ARHGAP24: variants seen among roughly 807,000 people sequenced by gnomAD.
ARHGAP24 encodes rho GTPase-activating protein 24.
A neutral mutation model predicts 76.4 loss-of-function variants in ARHGAP24; 50 were observed. The observed-to-expected ratio is 0.65, with a 90% CI of 0.52 to 0.83. The LOEUF is 0.83. ARHGAP24 is among the 40% of genes least tolerant of loss of function. The pLI is 0.00. For missense variants in ARHGAP24, 930 were observed against 914.2 expected (o/e 1.02, Z -0.22); for synonymous variants, 345 against 323.3 (o/e 1.07, Z -0.72).
intron 3 of ARHGAP24, among the ~76,000 whole-genome samples, chr4:85,793,505 C>A (rs1028349250): frequency 1.3e-5 from 2 of 152,076 alleles, no homozygotes; most frequent in African/African-American, 4.8e-5. Flanking sequence ...ACAGAATATT[C>A]AAAGAATAGG....
chr4:85,583,055 G>C (rs1366031208), intron 2 of ARHGAP24, among the ~76,000 whole-genome samples: 1 of 152,006 alleles, frequency 6.6e-6, no homozygotes, highest in African/African-American at 2.4e-5. Context: ...TAGCTTTCCT[G>C]TTTTGATGTC....
intron 3 of ARHGAP24, among the ~76,000 whole-genome samples, chr4:85,787,225 C>T (rs1179830353): frequency 3.9e-5 from 6 of 152,176 alleles, no homozygotes; most frequent in Non-Finnish European, 8.8e-5. Context: ...TGCTTTTCTT[C>T]CCTTTTGGTA....
rs528551788 is a variant in ARHGAP24 at position 85,932,959 on chromosome 4, C to T, written c.392-9107C>T. Among the ~76,000 whole-genome samples the T allele has an allele frequency of 6.8e-4, 104 of 152,298 alleles. 1 individual carries two copies. Among genetic ancestry groups the T allele is most frequent in the South Asian group, 1.7e-3 (8 of 4,812 alleles). ...CTGCAGTCATCACTCAGGGCAGCAG[C>T]AGCATGACGCACAGGAGCTTTACAT... On this transcript the variant is annotated intron_variant, in intron 4 of 9. Transcript: ENST00000395184.
rs1724959423 is a variant in ARHGAP24, at chr4:85,721,911, A to G, written c.207A>G (p.Lys69=). Residue 69 remains lysine (K), a synonymous_variant, in exon 3 of 10, where the codon AAA becomes AAG. Coordinates refer to ENST00000395184, the MANE Select transcript of ARHGAP24 (RefSeq NM_001025616.3). ...GTACTATTTTTCTGCCTGGAAATAA[A>G]GTTTCTGAGCATCCCTGCAATGAAG... is the stretch of plus-strand genomic sequence containing the variant. ...PLGTIFLPGN[K]VSEHPCNEEN... is the part of the protein sequence containing the mutation. 1 of 1,613,400 alleles carries G rather than the reference A, an allele frequency of 6.2e-7. No homozygotes were observed. The highest frequency in any genetic ancestry group is 1.7e-5 in the Admixed American group (1 of 59,964).
chr4:85,692,856 G>T (rs1295315089), intron 2 of ARHGAP24, among the ~76,000 whole-genome samples: 1 of 152,226 alleles, frequency 6.6e-6, no homozygotes, highest in Non-Finnish European at 1.5e-5. Context: ...GAATCATTTG[G>T]AAGTGAGGGG....
intron 1 of ARHGAP24, among the ~76,000 whole-genome samples, chr4:85,521,945 A>G (rs1578005199): frequency 6.6e-6 from 1 of 152,288 alleles, no homozygotes; most frequent in East Asian, 1.9e-4. Flanking sequence ...AGATCAAATT[A>G]TTAAGATCTC....
At chr4:85,778,258 A>G (rs1025753225) in intron 3 of ARHGAP24, among the ~76,000 whole-genome samples, 1 of 152,224 alleles carries the variant, frequency 6.6e-6, no homozygotes, top group Non-Finnish European at 1.5e-5. Context: ...ATTAAAGGGA[A>G]AGTTTCAATA....
chr4:85,718,091 T>C (rs1193144099), intron 2 of ARHGAP24, among the ~76,000 whole-genome samples: 2 of 152,072 alleles, frequency 1.3e-5, no homozygotes, highest in Non-Finnish European at 2.9e-5. Flanking sequence ...TCTTAGGTAT[T>C]TGCCCTAAAG....
intron 4 of ARHGAP24, among the ~76,000 whole-genome samples, chr4:85,937,785 C>G (rs1003467496): frequency 6.6e-6 from 1 of 151,990 alleles, no homozygotes; most frequent in African/African-American, 2.4e-5. Context: ...TAGAAAAAAG[C>G]CATTTTATTG....
chr4:85,611,271 T>C (rs1720373840), intron 2 of ARHGAP24, among the ~76,000 whole-genome samples: 1 of 152,214 alleles, frequency 6.6e-6, no homozygotes, highest in Non-Finnish European at 1.5e-5. Flanking sequence ...TGCTTCCTAA[T>C]GTGACCTGGT....
intron 2 of ARHGAP24, among the ~76,000 whole-genome samples, chr4:85,660,408 A>G (rs1272749914): frequency 1.3e-5 from 2 of 152,218 alleles, no homozygotes; most frequent in Non-Finnish European, 2.9e-5. Context: ...AGAGTGATTT[A>G]TTCACAGCTA....
At chr4:85,549,664 T>C (rs1726052086) in intron 1 of ARHGAP24, among the ~76,000 whole-genome samples, 1 of 152,184 alleles carries the variant, frequency 6.6e-6, no homozygotes, top group Non-Finnish European at 1.5e-5. Flanking sequence ...TATGGGTAAA[T>C]TGCATGTTTC....
chr4:85,827,490 G>A (rs1729777297), intron 3 of ARHGAP24, among the ~76,000 whole-genome samples: 1 of 150,578 alleles, frequency 6.6e-6, no homozygotes, highest in Non-Finnish European at 1.5e-5. Context: ...GTGTGTGTGT[G>A]TGTGTGTGTG....
At chr4:85,738,237 A>G (rs1725675584) in intron 3 of ARHGAP24, among the ~76,000 whole-genome samples, 1 of 151,990 alleles carries the variant, frequency 6.6e-6, no homozygotes, top group African/African-American at 2.4e-5. Flanking sequence ...GTGGTATCTC[A>G]TTGTGGTTTA....
chr4:85,531,188 A>C (rs1480663590), intron 1 of ARHGAP24, among the ~76,000 whole-genome samples: 1 of 152,064 alleles, frequency 6.6e-6, no homozygotes, highest in Non-Finnish European at 1.5e-5. Context: ...CCAAGAGAGA[A>C]AATAAAAATG....
At chr4:85,881,155 G>C (rs1418395354) in intron 3 of ARHGAP24, among the ~76,000 whole-genome samples, 1 of 152,154 alleles carries the variant, frequency 6.6e-6, no homozygotes, top group Non-Finnish European at 1.5e-5. Flanking sequence ...TGACAGACAG[G>C]CAGGTAGTGT....
chr4:85,713,357 T>C (rs1053691099), intron 2 of ARHGAP24, among the ~76,000 whole-genome samples: 1 of 152,152 alleles, frequency 6.6e-6, no homozygotes, highest in Non-Finnish European at 1.5e-5. Flanking sequence ...TTTTTCTTAG[T>C]GCACAAGTAA....
chr4:85,911,907 A>G (rs943379229), intron 3 of ARHGAP24, among the ~76,000 whole-genome samples: 1 of 152,188 alleles, frequency 6.6e-6, no homozygotes, highest in African/African-American at 2.4e-5. Flanking sequence ...TCTTTATAAG[A>G]ACTTCTATGT....
chr4:85,659,959 G>C (rs1185627596), intron 2 of ARHGAP24, among the ~76,000 whole-genome samples: 1 of 152,104 alleles, frequency 6.6e-6, no homozygotes, highest in African/African-American at 2.4e-5. Context: ...CCTCCTTTAA[G>C]TCTAGAGTGC....
Sources: gnomAD v4.1 joint callset for allele counts (sites outside exome capture counted in the v4.1 genomes callset) on GRCh38, gnomAD v4.1.1 for gene constraint, MANE v1.5 for transcripts, NCBI Gene and HGNC (gene_info 2026-07-23, HGNC 2026-07-21) for gene names.